Variants in LRBA observed in about 807,000 individuals in gnomAD.
LRBA encodes lipopolysaccharide-responsive and beige-like anchor protein.
Under a neutral mutation model 330.0 loss-of-function variants are expected in LRBA, and 176 were observed. The ratio of observed to expected loss-of-function variants is 0.53; its 90% CI spans 0.47 to 0.60. LRBA has a LOEUF of 0.60. LRBA is among the 20% of genes least tolerant of loss of function. LRBA has a pLI of 0.00. For synonymous variants in LRBA, 1,230 were observed against 1,193.0 expected, an observed-to-expected ratio of 1.03 and a Z score of -0.64; for missense variants, 3,259 against 3,444.8, an observed-to-expected ratio of 0.95 and a Z score of 1.35.
chr4:150,702,033 A>G (rs895682798), intron 36 of LRBA, among the ~76,000 whole-genome samples: 3 of 152,196 alleles, frequency 2.0e-5, no homozygotes, highest in Non-Finnish European at 4.4e-5. Context: ...TAGGGGAAAA[A>G]GTTAGGAGAA....
chr4:150,480,493 T>C (rs1362102115), intron 42 of LRBA, among the ~76,000 whole-genome samples: 3 of 151,992 alleles, frequency 2.0e-5, no homozygotes, highest in African/African-American at 7.2e-5. Flanking sequence ...CCAATCATTT[T>C]TATCAAAACG....
chr4:150,653,631 C>T (rs1037868026), intron 37 of LRBA, among the ~76,000 whole-genome samples: 1 of 152,074 alleles, frequency 6.6e-6, no homozygotes, highest in African/African-American at 2.4e-5. Flanking sequence ...CTAGGCCATT[C>T]CAGTAGGCAA....
At chr4:150,319,133 A>C (rs1195347825) in intron 50 of LRBA, among the ~76,000 whole-genome samples, 1 of 152,134 alleles carries the variant, frequency 6.6e-6, no homozygotes, top group East Asian at 1.9e-4. Flanking sequence ...ATCAGTGCTA[A>C]AACTTGAAAT....
In LRBA at chr4:150,683,733, A is replaced by C; in HGVS notation, c.5755-16T>G. On this transcript the variant is annotated splice_polypyrimidine_tract_variant and intron_variant, in intron 36 of 56. Transcript: ENST00000651943. Reference sequence around the variant, plus strand: ...CACACAGTGACTTGGAGAGAAAAAAAAATAATACTATAAAAAATGTGAAAA... The same window carrying C: ...CACACAGTGACTTGGAGAGAAAAAACAATAATACTATAAAAAATGTGAAAA... 1 of 1,549,788 alleles carries C rather than the reference A, an allele frequency of 6.5e-7. No homozygotes were observed. Among genetic ancestry groups the C allele is most frequent in the Non-Finnish European group, 8.8e-7 (1 of 1,141,270 alleles).
At chr4:150,347,331 C>T (rs1164125045) in intron 48 of LRBA, among the ~76,000 whole-genome samples, 1 of 152,034 alleles carries the variant, frequency 6.6e-6, no homozygotes, top group Non-Finnish European at 1.5e-5. Context: ...GTTCTTGATG[C>T]CACTGAACTG....
intron 48 of LRBA, among the ~76,000 whole-genome samples, chr4:150,327,461 C>T (rs1328419316): frequency 6.6e-6 from 1 of 152,140 alleles, no homozygotes; most frequent in Non-Finnish European, 1.5e-5. Flanking sequence ...CCAGACCTGT[C>T]TCCTTGACAG....
At chr4:150,876,508 A>C (rs577958405) in intron 17 of LRBA, among the ~76,000 whole-genome samples, 1 of 152,346 alleles carries the variant, frequency 6.6e-6, no homozygotes, top group East Asian at 1.9e-4. Flanking sequence ...GCCTAACAGC[A>C]GACTTCTTGG....
intron 30 of LRBA, among the ~76,000 whole-genome samples, chr4:150,826,378 T>G (rs981051098): frequency 1.3e-5 from 2 of 152,120 alleles, no homozygotes; most frequent in Non-Finnish European, 2.9e-5. Flanking sequence ...GCACTAGGAT[T>G]TATGGCAGGA....
At chr4:150,478,126 C>T (rs1437537924) in intron 42 of LRBA, among the ~76,000 whole-genome samples, 1 of 152,056 alleles carries the variant, frequency 6.6e-6, no homozygotes, top group Non-Finnish European at 1.5e-5. Context: ...TGGCATTTTA[C>T]AATCTCTCCC....
intron 2 of LRBA, among the ~76,000 whole-genome samples, chr4:151,007,971 T>C (rs1744308245): frequency 6.6e-6 from 1 of 151,920 alleles, no homozygotes; most frequent in South Asian, 2.1e-4. Flanking sequence ...TATAAAGTAA[T>C]GAACACAGGA....
intron 22 of LRBA, among the ~76,000 whole-genome samples, chr4:150,855,525 T>C (rs1440751151): frequency 3.3e-5 from 5 of 152,186 alleles, no homozygotes. Context: ...AACATGAGTA[T>C]ATGTAATTTA....
At chr4:150,441,924 C>G (rs2152006213) in intron 44 of LRBA, among the ~76,000 whole-genome samples, 1 of 152,206 alleles carries the variant, frequency 6.6e-6, no homozygotes, top group East Asian at 1.9e-4. Flanking sequence ...GAGTTCCTGG[C>G]ACACACACAA....
At chr4:150,954,943 A>C (rs921587677) in intron 2 of LRBA, among the ~76,000 whole-genome samples, 3 of 148,690 alleles carry the variant, frequency 2.0e-5, no homozygotes, top group Non-Finnish European at 4.4e-5. Flanking sequence ...GAAATTAAAC[A>C]ACACACTCCT....
At position 150,590,303 on chromosome 4, in the gene LRBA, T is replaced by C. The variant is rs891352658; in HGVS notation, c.6193+410A>G. Among the ~76,000 whole-genome samples the C allele has an allele frequency of 3.3e-5, 5 of 150,626 alleles. No homozygotes were observed. In the South Asian group the frequency reaches 1.0e-3, roughly 32 times the overall value. ...GAGAGAGTTACATGCATATACAGCA[T>C]GTTCACTAAGACCTGTATATCAAAG... On this transcript the variant is annotated intron_variant, in intron 39 of 56. Coordinates refer to ENST00000651943, the MANE Select transcript of LRBA (RefSeq NM_001364905.1).
At chr4:150,372,116 G>C (rs1359215236) in intron 47 of LRBA, among the ~76,000 whole-genome samples, 1 of 152,026 alleles carries the variant, frequency 6.6e-6, no homozygotes, top group Non-Finnish European at 1.5e-5. Context: ...TCAGATGCTC[G>C]TTATGCTAAC....
intron 47 of LRBA, among the ~76,000 whole-genome samples, chr4:150,405,283 A>C (rs543037735): frequency 2.0e-5 from 3 of 152,356 alleles, no homozygotes; most frequent in Admixed American, 2.0e-4. Flanking sequence ...TTCAATTGTT[A>C]GTAATACAGA....
At chr4:150,573,415 T>A (rs1377926840) in intron 40 of LRBA, among the ~76,000 whole-genome samples, 2 of 152,204 alleles carry the variant, frequency 1.3e-5, no homozygotes, top group Non-Finnish European at 1.5e-5. Flanking sequence ...ACAACTCCTT[T>A]TGGTCACCTG....
intron 44 of LRBA, among the ~76,000 whole-genome samples, chr4:150,466,028 A>G (rs1755408504): frequency 6.6e-6 from 1 of 152,158 alleles, no homozygotes. Context: ...AAGAGCCAAC[A>G]GCAAAAGCAC....
At chr4:150,726,852 C>T (rs1240080273) in intron 36 of LRBA, among the ~76,000 whole-genome samples, 2 of 151,672 alleles carry the variant, frequency 1.3e-5, no homozygotes, top group African/African-American at 4.8e-5. Flanking sequence ...TATCATGCAC[C>T]CAACACTGGA....
Sources: gnomAD v4.1 joint callset for allele counts (sites outside exome capture counted in the v4.1 genomes callset) on GRCh38, gnomAD v4.1.1 for gene constraint, MANE v1.5 for transcripts, NCBI Gene and HGNC (gene_info 2026-07-23, HGNC 2026-07-21) for gene names.